Variants in LARP7 observed in about 807,000 individuals in gnomAD.
LARP7 encodes the protein La ribonucleoprotein 7, transcriptional regulator.
Under a neutral mutation model 69.3 loss-of-function variants are expected in LARP7, and 52 were observed. The ratio of observed to expected loss-of-function variants is 0.75; its 90% CI spans 0.60 to 0.95. The LOEUF (loss-of-function observed/expected upper bound fraction) is 0.95, where lower values mean the gene tolerates loss of function less well. Ranked by LOEUF, LARP7 falls within the 40% of genes least tolerant of loss-of-function variation. The probability of loss-of-function intolerance (pLI) is 0.00; values close to 1 mark genes in which losing one functional copy is unlikely to be tolerated. For missense variants in LARP7, 733 were observed against 673.0 expected, an observed-to-expected ratio of 1.09 and a Z score of -0.99; for synonymous variants, 254 against 215.9, an observed-to-expected ratio of 1.18 and a Z score of -1.55.
chr4:112,650,388 G>T, intron 9 of LARP7, 73 bp from the exon 10 acceptor site: 1 of 1,409,832 alleles, frequency 7.1e-7, no homozygotes, highest in Non-Finnish European at 9.8e-7. Flanking sequence ...TTATTCTAAG[G>T]TAGTCCTCCT....
chr4:112,656,361 G>A (rs962496405), intron 12 of LARP7, among the ~76,000 whole-genome samples: 1 of 152,104 alleles, frequency 6.6e-6, no homozygotes, highest in African/African-American at 2.4e-5. Flanking sequence ...TGGCGCCACT[G>A]CACCACAGCC....
rs764897964 is a variant in LARP7, at chr4:112,646,420, CCAGAG to C, written c.275_279del (p.Arg92IlefsTer10). The stretch of plus-strand genomic sequence containing the variant: ...TTGACTACTGATGGGAAGTTAATTG[CCAGAG>C]CATTGAGAAGTTCAGCTGTTGTAGA... On this transcript the variant is annotated frameshift_variant, in exon 3 of 13. Transcript: ENST00000344442. LOFTEE classifies it high-confidence loss of function. The C allele has an allele frequency of 6.2e-7, 1 of 1,602,834 alleles. No individual in the cohort carries two copies. The highest frequency in any genetic ancestry group is 8.5e-7 in the Non-Finnish European group (1 of 1,171,588).
At position 112,657,582 on chromosome 4, in the gene LARP7, C is replaced by T; in HGVS notation, c.*255C>T. ...ATTTAGTAAATAAATGTGTTTTGAACATTATTTGGAAATGTGTTGATTTTG... is the reference window on the plus strand; with the variant it reads ...ATTTAGTAAATAAATGTGTTTTGAATATTATTTGGAAATGTGTTGATTTTG... On this transcript the variant is annotated 3_prime_UTR_variant, in exon 13 of 13. Coordinates refer to ENST00000344442, the MANE Select transcript of LARP7 (RefSeq NM_016648.4). The T allele has an allele frequency of 4.2e-6, 1 of 236,412 alleles. No individual in the cohort carries two copies. The highest frequency in any genetic ancestry group is 8.1e-6 in the Non-Finnish European group (1 of 123,686). 14.6% of individuals were successfully genotyped at this position (236,412 alleles called of 1,614,324 possible).
chr4:112,646,091 T>G (rs561068683), intron 2 of LARP7, among the ~76,000 whole-genome samples: 5 of 152,000 alleles, frequency 3.3e-5, no homozygotes, highest in African/African-American at 7.3e-5. Context: ...GCGATTCTCC[T>G]ACCTCACTCT....
In LARP7 at chr4:112,646,974, A is replaced by G. The variant is rs759554593; in HGVS notation, c.552+19A>G. 1 of 1,573,902 alleles carries G rather than the reference A, an allele frequency of 6.4e-7. No individual in the cohort carries two copies. The highest frequency in any genetic ancestry group is 2.0e-5 in the Admixed American group (1 of 48,972). ...AATTGAGGTAAGTCCAGATCCTAAA[A>G]AAAAAAAAAGAAAGAAAAGAAAACA... On this transcript the variant is annotated intron_variant, in intron 5 of 12. Coordinates refer to ENST00000344442, the MANE Select transcript of LARP7 (RefSeq NM_016648.4).
chr4:112,646,758 A>G (rs756862651), intron 4 of LARP7, 33 bp from the exon 5 acceptor site: 22 of 1,560,778 alleles, frequency 1.4e-5, no homozygotes, highest in Non-Finnish European at 1.8e-5. Flanking sequence ...TCTGATTGTG[A>G]AAAACTCTAA....
chr4:112,644,485 G>T, intron 1 of LARP7, 183 bp from the exon 2 acceptor site: 1 of 1,182,392 alleles, frequency 8.5e-7, no homozygotes. Flanking sequence ...CCCTAACATA[G>T]AAGGTAAATT....
chr4:112,641,807 A>T (rs534966559), intron 1 of LARP7, among the ~76,000 whole-genome samples: 3 of 152,194 alleles, frequency 2.0e-5, no homozygotes, highest in Non-Finnish European at 4.4e-5. Flanking sequence ...ATTTTGAGAT[A>T]TCCTTTAGAT....
rs1426414586 is a variant in LARP7, at chr4:112,645,629, C to T, written c.203-722C>T. On this transcript the variant is annotated intron_variant, in intron 2 of 12. Transcript: ENST00000344442. ...ACCCCCTCAGCCCCACCCAAGCGAT[C>T]CTCCATCAGCCTCCCCAGTAGCTGA... 3 of 445,782 alleles carry T rather than the reference C, an allele frequency of 6.7e-6. No individual in the cohort carries two copies. In the Admixed American group the frequency reaches 7.3e-5, roughly 11 times the overall value. 27.6% of individuals were successfully genotyped at this position (445,782 alleles called of 1,614,324 possible).
chr4:112,651,896 A>G (rs62317771), intron 10 of LARP7, among the ~76,000 whole-genome samples: 4,453 of 152,244 alleles, frequency 0.029, 109 homozygotes, highest in South Asian at 0.089. Flanking sequence ...AATGCATTCA[A>G]ATTTCAACAA....
chr4:112,653,329 T>G (rs537159679), intron 11 of LARP7, 93 bp downstream of exon 11: 1 of 1,052,210 alleles, frequency 9.5e-7, no homozygotes, highest in South Asian at 1.9e-5. Context: ...CTAGTTTTTT[T>G]TTTTTGGTCT....
At chr4:112,637,282 G>A (rs114626052) in intron 1 of LARP7, 43 bp downstream of exon 1, 134 of 152,502 alleles carry the variant, frequency 8.8e-4, no homozygotes, top group Non-Finnish European at 1.8e-3. Flanking sequence ...CTTGGGCGAA[G>A]TCTAATTAAC....
chr4:112,646,313 CT>C (rs1265383255), intron 2 of LARP7, 37 bp from the exon 3 acceptor site: 5 of 1,028,896 alleles, frequency 4.9e-6, no homozygotes, highest in Non-Finnish European at 7.4e-6. Flanking sequence ...ATTAATCCTG[CT>C]GATACACTAA....
chr4:112,646,511 C>T (rs1044150303), intron 3 of LARP7, 60 bp downstream of exon 3: 49 of 1,260,740 alleles, frequency 3.9e-5, no homozygotes, highest in Middle Eastern at 2.6e-4. Flanking sequence ...AGAATGTTAA[C>T]GTAATGATTA....
rs1226141363 is a variant in LARP7 at position 112,644,285 on chromosome 4, G to T, written c.-2-383G>T. On this transcript the variant is annotated intron_variant, in intron 1 of 12. Coordinates refer to ENST00000344442, the MANE Select transcript of LARP7 (RefSeq NM_016648.4). ...GAATACAACTTCTCTGGGGTGGGGC[G>T]GGGGCGGGGGGGTGTTGCGATGGAG... 6 of 275,020 alleles carry T rather than the reference G, an allele frequency of 2.2e-5. No homozygotes were observed. In the East Asian group the frequency reaches 3.5e-4, roughly 16 times the overall value. The allele number at this position is 275,020 out of a possible 1,614,324, so 17.0% of individuals were successfully genotyped here. A position where few individuals can be genotyped will look rare whatever the true frequency, so the allele number is the denominator to read the frequency against.
Position 112,646,812 on chromosome 4 carries a change from AATCACAGCTGGATT to A in LARP7, c.410_423del (p.Asn137ArgfsTer19). On this transcript the variant is annotated frameshift_variant, in exon 5 of 13. Transcript: ENST00000344442. LOFTEE classifies it high-confidence loss of function. ...ATAGGAGTTACTTCCCAAAAATGTT[AATCACAGCTGGATT>A]GAAAGAGTATTTGGGAAATGTGGCA... 1.3e-6 allele frequency: 2 copies of A among 1,590,412 alleles called. No individual in the cohort carries two copies. The highest frequency in any genetic ancestry group is 1.7e-6 in the Non-Finnish European group (2 of 1,173,602).
intron 3 of LARP7, 41 bp from the exon 4 acceptor site, chr4:112,646,547 A>C: frequency 7.7e-7 from 1 of 1,295,166 alleles, no homozygotes; most frequent in Non-Finnish European, 1.1e-6. Flanking sequence ...TTACAATTAT[A>C]AATAATATTA....
intron 1 of LARP7, among the ~76,000 whole-genome samples, chr4:112,643,124 A>G (rs1418535235): frequency 6.6e-6 from 1 of 152,270 alleles, no homozygotes; most frequent in East Asian, 1.9e-4. Context: ...ACAAACAAAA[A>G]TCTCTGATTT....
intron 1 of LARP7, among the ~76,000 whole-genome samples, chr4:112,641,140 C>T (rs934285174): frequency 1.3e-5 from 2 of 152,162 alleles, no homozygotes; most frequent in Non-Finnish European, 1.5e-5. Context: ...GTGGCTCACA[C>T]CTGTAATCCT....
Sources: gnomAD v4.1 joint callset for allele counts (sites outside exome capture counted in the v4.1 genomes callset) on GRCh38, gnomAD v4.1.1 for gene constraint, MANE v1.5 for transcripts, NCBI Gene and HGNC (gene_info 2026-07-23, HGNC 2026-07-21) for gene names.